Variants in LRRC4C observed in about 807,000 individuals in gnomAD.
LRRC4C encodes the protein leucine rich repeat containing 4C.
A neutral mutation model predicts 33.6 loss-of-function variants in LRRC4C; 5 were observed. The ratio of observed to expected loss-of-function variants is 0.15; its 90% CI spans 0.08 to 0.31. LRRC4C has a LOEUF of 0.31. Among genes scored for constraint, LRRC4C ranks in the 10% least tolerant of loss-of-function variants. LRRC4C has a pLI of 1.00. For missense variants in LRRC4C, 560 were observed against 796.7 expected, an observed-to-expected ratio of 0.70 and a Z score of 3.58; for synonymous variants, 329 against 302.0, an observed-to-expected ratio of 1.09 and a Z score of -0.93.
chr11:41,001,286 G>A (rs1365797143), intron 1 of LRRC4C, among the ~76,000 whole-genome samples: 1 of 152,108 alleles, frequency 6.6e-6, no homozygotes, highest in African/African-American at 2.4e-5. Context: ...TTTCAGTGAA[G>A]GATTCCTCAG....
chr11:40,261,207 A>T (rs761278590), intron 4 of LRRC4C, among the ~76,000 whole-genome samples: 1 of 152,178 alleles, frequency 6.6e-6, no homozygotes, highest in Non-Finnish European at 1.5e-5. Context: ...TTCTTTTAAA[A>T]TATGTACTGG....
intron 1 of LRRC4C, among the ~76,000 whole-genome samples, chr11:41,261,907 G>A (rs1344094747): frequency 1.3e-5 from 2 of 151,994 alleles, no homozygotes; most frequent in Non-Finnish European, 2.9e-5. Flanking sequence ...AAAACTGCTG[G>A]AAGAAATAAA....
At chr11:40,754,308 G>T (rs1948836776) in intron 2 of LRRC4C, among the ~76,000 whole-genome samples, 1 of 151,970 alleles carries the variant, frequency 6.6e-6, no homozygotes, top group Non-Finnish European at 1.5e-5. Context: ...AACTCTATTT[G>T]TGTTTAAGAA....
intron 2 of LRRC4C, among the ~76,000 whole-genome samples, chr11:40,927,946 C>T (rs1465714411): frequency 6.6e-6 from 1 of 152,038 alleles, no homozygotes; most frequent in African/African-American, 2.4e-5. Context: ...TCTTCACTTA[C>T]TTTTAGTAAT....
intron 4 of LRRC4C, among the ~76,000 whole-genome samples, chr11:40,243,135 C>A (rs1255571075): frequency 6.6e-6 from 1 of 152,064 alleles, no homozygotes; most frequent in African/African-American, 2.4e-5. Context: ...ATAACAGGAC[C>A]TCTGGTCCAT....
chr11:40,452,965 G>A (rs532549770), intron 3 of LRRC4C, among the ~76,000 whole-genome samples: 6 of 151,364 alleles, frequency 4.0e-5, no homozygotes, highest in African/African-American at 9.7e-5. Flanking sequence ...CTCACTCATC[G>A]GTGGGAATCG....
At chr11:40,633,197 A>C (rs1264008127) in intron 3 of LRRC4C, among the ~76,000 whole-genome samples, 1 of 152,146 alleles carries the variant, frequency 6.6e-6, no homozygotes, top group Admixed American at 6.5e-5. Flanking sequence ...ATCTTTGTTC[A>C]CAGAATGTGA....
rs140819752 is a variant in LRRC4C at position 40,274,686 on chromosome 11, T to C, written c.-175-33088A>G. Among the ~76,000 whole-genome samples, 9 of 152,132 alleles carry C rather than the reference T, an allele frequency of 5.9e-5. No individual in the cohort carries two copies. In the East Asian group the frequency reaches 1.7e-3, roughly 29 times the overall value. On this transcript the variant is annotated intron_variant, in intron 4 of 6. Coordinates refer to ENST00000528697, the MANE Select transcript of LRRC4C (RefSeq NM_001258419.2). Reference sequence around the variant, plus strand: ...CCTGTAAATAGTTCTGTGAAATAGCTCAGACTCTTGGATAGATAAAAAGAA... The same window carrying C: ...CCTGTAAATAGTTCTGTGAAATAGCCCAGACTCTTGGATAGATAAAAAGAA...
chr11:41,200,479 T>C (rs898817437), intron 1 of LRRC4C, among the ~76,000 whole-genome samples: 2 of 152,186 alleles, frequency 1.3e-5, no homozygotes, highest in African/African-American at 4.8e-5. Flanking sequence ...CAGAGACTTG[T>C]TCTTCTCCAG....
intron 3 of LRRC4C, among the ~76,000 whole-genome samples, chr11:40,368,706 A>G (rs1261170361): frequency 2.0e-5 from 3 of 152,148 alleles, no homozygotes; most frequent in African/African-American, 7.2e-5. Context: ...TTTTGTGCAA[A>G]TAAGACCATT....
At chr11:41,000,419 C>T (rs1194106999) in intron 1 of LRRC4C, among the ~76,000 whole-genome samples, 1 of 152,048 alleles carries the variant, frequency 6.6e-6, no homozygotes, top group Non-Finnish European at 1.5e-5. Flanking sequence ...ATATGTGGCC[C>T]ATAGATTGGT....
Position 40,559,819 on chromosome 11 carries a change from G to A in LRRC4C, c.-270+88323C>T, listed in dbSNP as rs146124758. Among the ~76,000 whole-genome samples the A allele has an allele frequency of 1.4e-3, 209 of 152,122 alleles. 1 individual carries two copies. Among genetic ancestry groups the A allele is most frequent in the Middle Eastern group, 0.01 (3 of 292 alleles). ...TTTGGTTTGCATTTCTCTAATGATC[G>A]GTGATATTAAGCTTTTTTTTCACAT... On this transcript the variant is annotated intron_variant, in intron 3 of 6. Coordinates refer to ENST00000528697, the MANE Select transcript of LRRC4C (RefSeq NM_001258419.2).
chr11:41,125,506 G>A (rs987950032), intron 1 of LRRC4C, among the ~76,000 whole-genome samples: 4 of 151,638 alleles, frequency 2.6e-5, no homozygotes, highest in African/African-American at 9.7e-5. Flanking sequence ...TGATAAGCAA[G>A]TGATTTTCAA....
At chr11:40,497,894 A>G (rs1256289439) in intron 3 of LRRC4C, among the ~76,000 whole-genome samples, 1 of 152,124 alleles carries the variant, frequency 6.6e-6, no homozygotes, top group Non-Finnish European at 1.5e-5. Context: ...TACAACCCCT[A>G]AAAAATCTCT....
At chr11:40,632,877 A>T (rs1963586664) in intron 3 of LRRC4C, among the ~76,000 whole-genome samples, 1 of 152,192 alleles carries the variant, frequency 6.6e-6, no homozygotes, top group African/African-American at 2.4e-5. Context: ...CATCAAATAA[A>T]CAAGCTCATC....
intron 4 of LRRC4C, among the ~76,000 whole-genome samples, chr11:40,299,168 C>G (rs1307683384): frequency 6.6e-6 from 1 of 152,078 alleles, no homozygotes; most frequent in South Asian, 2.1e-4. Context: ...CATTAGTGAC[C>G]ATCTAATCAG....
chr11:40,847,810 G>T (rs184274649), intron 2 of LRRC4C, among the ~76,000 whole-genome samples: 3 of 129,304 alleles, frequency 2.3e-5, no homozygotes, highest in Non-Finnish European at 4.7e-5. Flanking sequence ...TGATTGGTAC[G>T]ATATTAACTA....
chr11:40,301,636 C>T (rs1256943996), intron 4 of LRRC4C, among the ~76,000 whole-genome samples: 1 of 151,962 alleles, frequency 6.6e-6, no homozygotes, highest in Non-Finnish European at 1.5e-5. Context: ...AAGATGAAGG[C>T]ATAGACAGTG....
chr11:40,651,525 T>C (rs1006269452), intron 2 of LRRC4C, among the ~76,000 whole-genome samples: 1 of 152,182 alleles, frequency 6.6e-6, no homozygotes, highest in African/African-American at 2.4e-5. Flanking sequence ...TAAAATTTAA[T>C]AAAGTATCCA....
Sources: gnomAD v4.1 joint callset for allele counts (sites outside exome capture counted in the v4.1 genomes callset) on GRCh38, gnomAD v4.1.1 for gene constraint, MANE v1.5 for transcripts, NCBI Gene and HGNC (gene_info 2026-07-23, HGNC 2026-07-21) for gene names.